SMYD3: variants seen among roughly 807,000 people sequenced by gnomAD.
SMYD3 encodes SET and MYND domain containing 3.
A neutral mutation model predicts 57.7 loss-of-function variants in SMYD3; 36 were observed. The ratio of observed to expected loss-of-function variants is 0.62; its 90% CI spans 0.48 to 0.82. The LOEUF is 0.82. SMYD3 is among the 40% of genes least tolerant of loss of function. The pLI is 0.00. For missense variants in SMYD3, 515 were observed against 538.8 expected, an observed-to-expected ratio of 0.96 and a Z score of 0.44; for synonymous variants, 211 against 195.0, an observed-to-expected ratio of 1.08 and a Z score of -0.68.
At position 245,955,930 on chromosome 1, in the gene SMYD3, A is replaced by T. The variant is rs1186309363; in HGVS notation, c.532-25993T>A. ...TCCTAAGATTCATTTATGTTGATGC[A>T]TGTTGCTATAGTTTATAGCTGACAG... On this transcript the variant is annotated intron_variant, in intron 5 of 11. Transcript: ENST00000490107. The T allele has an allele frequency of 7.1e-6, 7 of 981,812 alleles. No homozygotes were observed. The East Asian group carries it at 4.6e-4, about 64-fold the overall frequency. 60.8% of individuals were successfully genotyped at this position (981,812 alleles called of 1,614,324 possible).
chr1:246,228,405 T>C (rs1326947458), intron 5 of SMYD3, among the ~76,000 whole-genome samples: 1 of 152,158 alleles, frequency 6.6e-6, no homozygotes, highest in African/African-American at 2.4e-5. Flanking sequence ...CAACACAAAG[T>C]TCATAGAGTA....
chr1:246,360,368 G>A (rs1356734942), intron 1 of SMYD3, among the ~76,000 whole-genome samples: 4 of 152,008 alleles, frequency 2.6e-5, no homozygotes, highest in Non-Finnish European at 4.4e-5. Flanking sequence ...TTGTGAAAAT[G>A]GCCATATTGC....
chr1:246,243,777 A>C (rs973270361), intron 5 of SMYD3, among the ~76,000 whole-genome samples: 3 of 151,940 alleles, frequency 2.0e-5, no homozygotes, highest in African/African-American at 7.2e-5. Context: ...TCTTACTTTG[A>C]AAGTTTGGTG....
At chr1:245,880,280 T>C (rs2052710431) in intron 8 of SMYD3, among the ~76,000 whole-genome samples, 1 of 152,232 alleles carries the variant, frequency 6.6e-6, no homozygotes, top group Non-Finnish European at 1.5e-5. Context: ...TATTGTTCGA[T>C]TTCAACCAGG....
chr1:245,900,804 A>C (rs1178109894), intron 8 of SMYD3, among the ~76,000 whole-genome samples: 1 of 152,202 alleles, frequency 6.6e-6, no homozygotes, highest in African/African-American at 2.4e-5. Flanking sequence ...AGAGGAACTA[A>C]ATTCAAGAGC....
intron 10 of SMYD3, among the ~76,000 whole-genome samples, chr1:245,780,783 A>G (rs911901961): frequency 6.6e-6 from 1 of 152,250 alleles, no homozygotes; most frequent in Non-Finnish European, 1.5e-5. Flanking sequence ...ATATATGTCC[A>G]TACAAGGTCT....
At chr1:245,934,863 T>C (rs747067994) in intron 5 of SMYD3, among the ~76,000 whole-genome samples, 2 of 152,204 alleles carry the variant, frequency 1.3e-5, no homozygotes, top group Admixed American at 6.5e-5. Flanking sequence ...TGCTGTAAGG[T>C]TGCGGGGACA....
chr1:245,997,655 A>G (rs2148136149), intron 5 of SMYD3, among the ~76,000 whole-genome samples: 1 of 152,306 alleles, frequency 6.6e-6, no homozygotes, highest in East Asian at 1.9e-4. Context: ...CTATGCAGTT[A>G]CACAGAGGAG....
rs997446999 is a variant in SMYD3, at chr1:246,447,361, G to A, written c.164+59693C>T. On this transcript the variant is annotated intron_variant, in intron 1 of 11. Transcript: ENST00000490107. The stretch of plus-strand genomic sequence containing the variant: ...AAAGAGTACTTGTAAAATTATTACC[G>A]TAATACAAATAATCAACTTCTTCAA... Among the ~76,000 whole-genome samples, 6 of 152,214 alleles carry A rather than the reference G, an allele frequency of 3.9e-5. No individual in the cohort carries two copies. In the East Asian group the frequency reaches 5.8e-4, roughly 15 times the overall value.
intron 1 of SMYD3, 68 bp downstream of exon 1, chr1:246,506,986 G>GCCCCCCCCC: frequency 1.7e-6 from 1 of 590,880 alleles, no homozygotes; most frequent in Non-Finnish European, 2.4e-6. Flanking sequence ...CCGGCCGCCC[G>GCCCCCCCCC]ACGCCCCCCC....
chr1:245,859,495 T>C (rs1190038844), intron 9 of SMYD3, among the ~76,000 whole-genome samples: 1 of 152,218 alleles, frequency 6.6e-6, no homozygotes, highest in East Asian at 1.9e-4. Context: ...AAAACTGATA[T>C]TCCCTGTCTT....
At chr1:246,418,095 C>A (rs1306424965) in intron 1 of SMYD3, among the ~76,000 whole-genome samples, 1 of 152,162 alleles carries the variant, frequency 6.6e-6, no homozygotes, top group Non-Finnish European at 1.5e-5. Context: ...CATTTATATG[C>A]CTCTTCCCCT....
chr1:245,797,468 C>T (rs868645299), intron 10 of SMYD3, among the ~76,000 whole-genome samples: 9 of 139,444 alleles, frequency 6.5e-5, no homozygotes, highest in South Asian at 2.2e-4. Context: ...TAGGTGGGAA[C>T]TGAACAATGA....
At chr1:245,917,084 C>T (rs1219409333) in intron 7 of SMYD3, among the ~76,000 whole-genome samples, 1 of 151,182 alleles carries the variant, frequency 6.6e-6, no homozygotes, top group Admixed American at 6.6e-5. Flanking sequence ...GGCTGGTGTG[C>T]AGTGGCATGA....
chr1:246,282,381 C>G (rs1036330592), intron 5 of SMYD3, among the ~76,000 whole-genome samples: 1 of 145,792 alleles, frequency 6.9e-6, no homozygotes, highest in Non-Finnish European at 1.5e-5. Flanking sequence ...CACCTGTAGG[C>G]CCAGCTACTC....
intron 8 of SMYD3, among the ~76,000 whole-genome samples, chr1:245,911,268 A>T (rs763704902): frequency 7.9e-5 from 12 of 152,114 alleles, no homozygotes; most frequent in Non-Finnish European, 1.6e-4. Context: ...TTGTTGGTGG[A>T]ATGTAAATTA....
chr1:246,244,395 T>C (rs1468627757), intron 5 of SMYD3, among the ~76,000 whole-genome samples: 1 of 151,636 alleles, frequency 6.6e-6, no homozygotes, highest in Non-Finnish European at 1.5e-5. Flanking sequence ...AAAAAAAAAA[T>C]CCTGACTTTC....
chr1:246,361,303 G>A (rs572952450), intron 1 of SMYD3, among the ~76,000 whole-genome samples: 2 of 152,264 alleles, frequency 1.3e-5, no homozygotes, highest in East Asian at 1.9e-4. Context: ...AATAATCGAC[G>A]TAGGCACAGA....
intron 5 of SMYD3, among the ~76,000 whole-genome samples, chr1:246,287,817 T>C (rs2064601521): frequency 6.6e-6 from 1 of 152,184 alleles, no homozygotes; most frequent in South Asian, 2.1e-4. Context: ...AGCAAAATTC[T>C]TGACAGCCAA....
Sources: gnomAD v4.1 joint callset for allele counts (sites outside exome capture counted in the v4.1 genomes callset) on GRCh38, gnomAD v4.1.1 for gene constraint, MANE v1.5 for transcripts, NCBI Gene and HGNC (gene_info 2026-07-23, HGNC 2026-07-21) for gene names.